COX18: variants seen among roughly 807,000 people sequenced by gnomAD.
COX18 encodes the protein cytochrome c oxidase assembly factor COX18, also known as cytochrome c oxidase assembly protein COX18, mitochondrial.
In COX18, 45 loss-of-function variants were observed where a neutral mutation model predicts 38.0. The ratio of observed to expected loss-of-function variants is 1.18; its 90% CI spans 0.93 to 1.52. The LOEUF (loss-of-function observed/expected upper bound fraction) is 1.52. Among genes scored for constraint, COX18 ranks in the 40% most tolerant of loss-of-function variants. The probability of loss-of-function intolerance (pLI) is 0.00; values close to 1 mark genes in which losing one functional copy is unlikely to be tolerated. For synonymous variants in COX18, 177 were observed against 169.8 expected (o/e 1.04, Z -0.33); for missense variants, 462 against 423.8 (o/e 1.09, Z -0.79).
Position 73,054,594 on chromosome 4 carries a change from G to T in COX18, c.*3520C>A, listed in dbSNP as rs1388038922. The T allele has an allele frequency of 6.6e-6, 1 of 152,146 alleles. No homozygotes were observed. Among genetic ancestry groups the T allele is most frequent in the Non-Finnish European group, 1.5e-5 (1 of 68,032 alleles). 9.4% of individuals were successfully genotyped at this position (152,146 alleles called of 1,614,324 possible). Reference sequence around the variant, plus strand: ...ATATTTGAAAAGAAATTTCAAGTTTGAAAGTTTGACAATGGGAGAGCAACA... The same window carrying T: ...ATATTTGAAAAGAAATTTCAAGTTTTAAAGTTTGACAATGGGAGAGCAACA... On this transcript the variant is annotated 3_prime_UTR_variant, in exon 6 of 6. Coordinates refer to ENST00000507544, the MANE Select transcript of COX18 (RefSeq NM_001297732.2).
intron 5 of COX18, among the ~76,000 whole-genome samples, chr4:73,061,282 A>C (rs191349050): frequency 3.9e-4 from 60 of 152,332 alleles, no homozygotes; most frequent in Admixed American, 4.6e-4. Flanking sequence ...CAAATGGAAG[A>C]AATACCATAT....
In COX18 at chr4:73,061,809, T is replaced by C. The variant is rs1437457845; in HGVS notation, c.831+4A>G. ...TGCTACACACAATATTGGTGCTTAC[T>C]CACTGAGGGTACCGTTGCAGCAATT... is the stretch of plus-strand genomic sequence containing the variant. On this transcript the variant is annotated splice_donor_region_variant and intron_variant, in intron 5 of 5. Transcript: ENST00000507544. 3 of 1,564,962 alleles carry C rather than the reference T, an allele frequency of 1.9e-6. No individual in the cohort carries two copies. Among genetic ancestry groups the C allele is most frequent in the South Asian group, 1.1e-5 (1 of 89,904 alleles).
At chr4:73,067,864 A>AATATATATATAT (rs1377330345) in intron 2 of COX18, among the ~76,000 whole-genome samples, 165 bp downstream of exon 2, 210 of 19,936 alleles carry the variant, frequency 0.011, no homozygotes, top group South Asian at 0.025. Context: ...AAAAAAAAAA[A>AATATATATATAT]ATATATATAT....
intron 5 of COX18, among the ~76,000 whole-genome samples, 157 bp downstream of exon 5, chr4:73,061,656 C>T (rs374355036): frequency 2.1e-4 from 30 of 145,966 alleles, no homozygotes; most frequent in African/African-American, 6.7e-4. Context: ...TGCAGTGAGC[C>T]GAGATCGCGC....
At position 73,065,049 on chromosome 4, in the gene COX18, A is replaced by AAT. The variant is rs1313727333; in HGVS notation, c.599-149_599-148dup. The AAT allele has an allele frequency of 2.2e-5, 22 of 984,092 alleles. No homozygotes were observed. In the African/African-American group the frequency reaches 2.3e-4, roughly 10 times the overall value. The allele number at this position is 984,092 out of a possible 1,614,324, so 61.0% of individuals were successfully genotyped here. ...GGATTTATTCCAGTTTTTCACGCAC[A>AAT]ATATATATATTTTTTCTCAATACAA... is the stretch of plus-strand genomic sequence containing the variant. On this transcript the variant is annotated intron_variant, in intron 3 of 5. Transcript: ENST00000507544.
chr4:73,065,175 T>TG (rs376214350), intron 3 of COX18, 75 bp downstream of exon 3: 95,642 of 633,464 alleles, frequency 0.15, 10,860 homozygotes, highest in South Asian at 0.25. Context: ...AAGTATGCTT[T>TG]TTTTTTTTTT....
At chr4:73,066,164 T>C (rs1484827662) in intron 2 of COX18, among the ~76,000 whole-genome samples, 1 of 152,220 alleles carries the variant, frequency 6.6e-6, no homozygotes, top group Non-Finnish European at 1.5e-5. Context: ...ACAAAGACAT[T>C]CTAGGTCCTC....
rs1719837293 is a variant in COX18 at position 73,055,078 on chromosome 4, T to C, written c.*3036A>G. The stretch of plus-strand genomic sequence containing the variant: ...TGCCATTATGAGAAAAATATCTGAG[T>C]GTACTCACTCAGTAACACACACGGC... On this transcript the variant is annotated 3_prime_UTR_variant, in exon 6 of 6. Coordinates refer to ENST00000507544, the MANE Select transcript of COX18 (RefSeq NM_001297732.2). 6.6e-6 allele frequency: 1 copy of C among 152,154 alleles called. No homozygotes were observed. Among genetic ancestry groups the C allele is most frequent in the African/African-American group, 2.4e-5 (1 of 41,422 alleles). The allele number at this position is 152,154 out of a possible 1,614,324, so 9.4% of individuals were successfully genotyped here. A position where few individuals can be genotyped will look rare whatever the true frequency, so the allele number is the denominator to read the frequency against.
At position 73,065,866 on chromosome 4, in the gene COX18, G is replaced by A. The variant is rs115841741; in HGVS notation, c.435-453C>T. 8.6e-4 allele frequency among the ~76,000 whole-genome samples: 131 copies of A among 152,244 alleles called. 1 individual carries two copies. The highest frequency in any genetic ancestry group is 3.0e-3 in the African/African-American group (126 of 41,540). ...TGTATGCTCTTGGCCTGTCAAAATA[G>A]TCTCCATTTTTCAATCAACTATCTC... is the stretch of plus-strand genomic sequence containing the variant. On this transcript the variant is annotated intron_variant, in intron 2 of 5. Coordinates refer to ENST00000507544, the MANE Select transcript of COX18 (RefSeq NM_001297732.2).
rs1191346663 is a variant in COX18, at chr4:73,069,376, C to A, written c.274G>T (p.Ala92Ser). Residue 92 changes from alanine (A) to serine (S), a missense_variant, in exon 1 of 6, where the codon GCC (alanine) becomes TCC (serine). By Grantham distance (99) the Ala-to-Ser change is moderately conservative. Transcript: ENST00000507544. ...GGCAGCGTGACAGCACCCCGTAAGG[C>A]CACGGTGGAGAGCAGAATGCTGCCC... ...WWGSILLSTVALRGAVTLPLA... is the reference protein window; with the variant it reads ...WWGSILLSTVSLRGAVTLPLA... 3.2e-6 allele frequency: 5 copies of A among 1,559,664 alleles called. No homozygotes were observed. The African/African-American group carries it at 5.4e-5, about 17-fold the overall frequency.
chr4:73,064,479 T>C (rs1420989245), intron 4 of COX18, among the ~76,000 whole-genome samples: 1 of 152,226 alleles, frequency 6.6e-6, no homozygotes, highest in Admixed American at 6.5e-5. Context: ...TGGGCATCTT[T>C]ATTACTGTTT....
chr4:73,064,936 C>A, intron 3 of COX18, 34 bp from the exon 4 acceptor site: 2 of 1,598,814 alleles, frequency 1.3e-6, no homozygotes, highest in Non-Finnish European at 1.7e-6. Flanking sequence ...CAATAGAAGT[C>A]CTAAAAATAG....
At chr4:73,059,165 C>T (rs1278443892) in intron 5 of COX18, among the ~76,000 whole-genome samples, 2 of 152,180 alleles carry the variant, frequency 1.3e-5, no homozygotes, top group Non-Finnish European at 2.9e-5. Context: ...TCTACAACCT[C>T]CTGAAATACT....
At chr4:73,058,723 C>T (rs918362441) in intron 5 of COX18, among the ~76,000 whole-genome samples, 3 of 152,150 alleles carry the variant, frequency 2.0e-5, no homozygotes, top group African/African-American at 7.2e-5. Context: ...CCAAATGTTT[C>T]CCAACAGCCA....
In COX18 at chr4:73,068,225, T is replaced by C. The variant is rs1720569370; in HGVS notation, c.334-96A>G. 6.9e-6 allele frequency: 5 copies of C among 719,866 alleles called. No homozygotes were observed. The South Asian group carries it at 9.2e-5, about 13-fold the overall frequency. 44.6% of individuals were successfully genotyped at this position (719,866 alleles called of 1,614,324 possible). On this transcript the variant is annotated intron_variant, in intron 1 of 5. Coordinates refer to ENST00000507544, the MANE Select transcript of COX18 (RefSeq NM_001297732.2). Reference sequence around the variant, plus strand: ...ATTATTCCCTCGAGTCATTTAAAAATGTAGTTTACTGATCATATCAAGAAA... The same window carrying C: ...ATTATTCCCTCGAGTCATTTAAAAACGTAGTTTACTGATCATATCAAGAAA...
chr4:73,061,875 T>A lies in COX18; in HGVS notation c.769A>T (p.Ile257Phe). Residue 257 changes from isoleucine to phenylalanine, a missense_variant, in exon 5 of 6, where the codon ATT becomes TTT. By Grantham distance (21) the Ile-to-Phe change is conservative. Coordinates refer to ENST00000507544, the MANE Select transcript of COX18 (RefSeq NM_001297732.2). ...GACATTGCACGGACAAAGTACGTAA[T>A]ATACGTCTGAAAACGAGACATTCCA... ...KIGMSRFQTY[I>F]TYFVRAMSVL... 1 of 1,613,778 alleles carries A rather than the reference T, an allele frequency of 6.2e-7. No homozygotes were observed. The highest frequency in any genetic ancestry group is 8.5e-7 in the Non-Finnish European group (1 of 1,179,766).
chr4:73,068,776 A>G (rs1348415830), intron 1 of COX18: 2 of 153,406 alleles, frequency 1.3e-5, no homozygotes, highest in Non-Finnish European at 2.9e-5. Context: ...AGGTACTGCT[A>G]GCCTGATTCC....
intron 2 of COX18, 152 bp from the exon 3 acceptor site, chr4:73,065,565 C>T (rs1042506647): frequency 1.7e-6 from 1 of 577,766 alleles, no homozygotes; most frequent in Non-Finnish European, 2.9e-6. Flanking sequence ...AAGGAGTTGC[C>T]TAAACAACAG....
intron 1 of COX18, 46 bp from the exon 2 acceptor site, chr4:73,068,175 T>C (rs1720567747): frequency 1.7e-6 from 2 of 1,208,504 alleles, no homozygotes; most frequent in East Asian, 5.0e-5. Context: ...AGGATCTTTA[T>C]TCATAATGAC....
Sources: allele counts gnomAD v4.1 joint callset (sites outside exome capture counted in the v4.1 genomes callset), GRCh38; gene constraint gnomAD v4.1.1; transcripts MANE v1.5; gene names NCBI Gene and HGNC (gene_info 2026-07-23, HGNC 2026-07-21).